Variants in QKI observed in about 807,000 individuals in gnomAD.
The protein encoded by QKI is KH domain-containing RNA-binding protein QKI.
QKI carries 10 observed loss-of-function variants against 39.0 expected under a neutral mutation model. That is an observed-to-expected ratio of 0.26 (90% CI 0.16 to 0.43). The LOEUF is 0.43. Among genes scored for constraint, QKI ranks in the 20% least tolerant of loss-of-function variants. The pLI is 1.00. For missense variants in QKI, 218 were observed against 428.0 expected (o/e 0.51, Z 4.33); for synonymous variants, 204 against 155.4 (o/e 1.31, Z -2.33).
intron 3 of QKI, among the ~76,000 whole-genome samples, chr6:163,481,731 C>T (rs1793090893): frequency 6.6e-6 from 1 of 152,138 alleles, no homozygotes; most frequent in Non-Finnish European, 1.5e-5. Context: ...TGATTTAGTG[C>T]ATAAATACCC....
chr6:163,483,427 T>G (rs1165193099), intron 3 of QKI, among the ~76,000 whole-genome samples: 1 of 152,246 alleles, frequency 6.6e-6, no homozygotes, highest in Non-Finnish European at 1.5e-5. Flanking sequence ...CAGTGCTTTT[T>G]GATAGCATTT....
Position 163,507,246 on chromosome 6 carries a change from T to A in QKI, c.403-27736T>A, listed in dbSNP as rs185370402. Among the ~76,000 whole-genome samples the A allele has an allele frequency of 1.6e-3, 243 of 152,316 alleles. 2 individuals are homozygous for A. Among genetic ancestry groups the A allele is most frequent in the Middle Eastern group, 0.01 (3 of 294 alleles). On this transcript the variant is annotated intron_variant, in intron 3 of 7. Coordinates refer to ENST00000361752, the MANE Select transcript of QKI (RefSeq NM_006775.3). ...GGCCTGAATACTGGATTATTGATAT[T>A]TCTATGGAAGAATGGGCTTTGAACT...
chr6:163,524,967 CATAG>C (rs1312384211), intron 3 of QKI, among the ~76,000 whole-genome samples: 1 of 152,118 alleles, frequency 6.6e-6, no homozygotes, highest in Non-Finnish European at 1.5e-5. Flanking sequence ...GAAACTGAAG[CATAG>C]ATAAATTCAA....
Position 163,455,370 on chromosome 6 carries a change from T to G in QKI, c.234T>G (p.Pro78=). The G allele has an allele frequency of 6.2e-7, 1 of 1,612,878 alleles. No individual in the cohort carries two copies. The highest frequency in any genetic ancestry group is 8.5e-7 in the Non-Finnish European group (1 of 1,178,920). ...RSAELPDAVG[P]IVQLQEKLYV... ...CAGAATTGCCTGATGCTGTGGGACCTATTGTTCAGTTACAAGAGAAACTTT... is the reference window on the plus strand; with the variant it reads ...CAGAATTGCCTGATGCTGTGGGACCGATTGTTCAGTTACAAGAGAAACTTT... Residue 78 remains proline, a synonymous_variant, in exon 2 of 8, where the codon CCT becomes CCG. Coordinates refer to ENST00000361752, the MANE Select transcript of QKI (RefSeq NM_006775.3).
At chr6:163,455,857 C>T (rs1790872828) in intron 2 of QKI, among the ~76,000 whole-genome samples, 1 of 152,164 alleles carries the variant, frequency 6.6e-6, no homozygotes, top group East Asian at 1.9e-4. Flanking sequence ...CTGATTTTCC[C>T]CCATCTTAGT....
At chr6:163,422,962 A>G (rs889506004) in intron 1 of QKI, among the ~76,000 whole-genome samples, 2 of 152,222 alleles carry the variant, frequency 1.3e-5, no homozygotes, top group Non-Finnish European at 2.9e-5. Flanking sequence ...TAAGAGTAGA[A>G]TTAGGGAAAT....
At chr6:163,539,879 T>C (rs947685853) in intron 4 of QKI, among the ~76,000 whole-genome samples, 1 of 152,166 alleles carries the variant, frequency 6.6e-6, no homozygotes, top group Non-Finnish European at 1.5e-5. Flanking sequence ...TTGCTTTTTC[T>C]AATAGGCTTT....
chr6:163,533,449 C>G (rs2128240865), intron 3 of QKI, among the ~76,000 whole-genome samples: 1 of 152,264 alleles, frequency 6.6e-6, no homozygotes, highest in African/African-American at 2.4e-5. Context: ...TTGTAAATAA[C>G]CACATTTTTA....
chr6:163,548,498 G>A (rs539064467), intron 4 of QKI, among the ~76,000 whole-genome samples: 3 of 152,214 alleles, frequency 2.0e-5, no homozygotes, highest in South Asian at 2.1e-4. Context: ...ATACACATAC[G>A]TAAGCCTACC....
intron 2 of QKI, among the ~76,000 whole-genome samples, chr6:163,469,717 A>C (rs1792042769): frequency 6.6e-6 from 1 of 152,154 alleles, no homozygotes; most frequent in Non-Finnish European, 1.5e-5. Flanking sequence ...TCCAGGTTGG[A>C]GGAGTGGGGA....
chr6:163,471,738 A>G (rs1011570268), intron 2 of QKI, among the ~76,000 whole-genome samples: 4 of 152,258 alleles, frequency 2.6e-5, no homozygotes, highest in South Asian at 2.1e-4. Context: ...AGAAAAGAAA[A>G]TAAGTAGAGG....
chr6:163,523,219 CTCTT>C lies in QKI; in HGVS notation c.403-11760_403-11757del, dbSNP rs569785820. Among the ~76,000 whole-genome samples the C allele has an allele frequency of 6.6e-5, 10 of 152,248 alleles. No homozygotes were observed. The South Asian group carries it at 1.9e-3, about 28-fold the overall frequency. On this transcript the variant is annotated intron_variant, in intron 3 of 7. Coordinates refer to ENST00000361752, the MANE Select transcript of QKI (RefSeq NM_006775.3). Reference sequence around the variant, plus strand: ...TTTCACAGAAGGCAGGTAAAATACTCTCTTTCAGTGTTGCCTGACTGAGTTTTTA... The same window carrying C: ...TTTCACAGAAGGCAGGTAAAATACTCTCAGTGTTGCCTGACTGAGTTTTTA...
At chr6:163,457,233 C>G (rs1258876403) in intron 2 of QKI, 1 of 438,222 alleles carries the variant, frequency 2.3e-6, no homozygotes, top group African/African-American at 2.0e-5. Flanking sequence ...GTTAATCTGT[C>G]TGGTTCCATC....
intron 4 of QKI, among the ~76,000 whole-genome samples, chr6:163,542,253 C>T (rs988076140): frequency 2.6e-5 from 4 of 151,888 alleles, no homozygotes; most frequent in Non-Finnish European, 4.4e-5. Context: ...TTCCTCCTTC[C>T]GTTAATCCTC....
chr6:163,455,200 C>T (rs1790831461), intron 1 of QKI, 79 bp from the exon 2 acceptor site: 14 of 1,182,056 alleles, frequency 1.2e-5, no homozygotes, highest in Middle Eastern at 2.5e-4. Context: ...TGAAACCCTC[C>T]CCTGCCCTCT....
intron 3 of QKI, among the ~76,000 whole-genome samples, chr6:163,484,572 A>C (rs1205937136): frequency 6.6e-6 from 1 of 152,056 alleles, no homozygotes; most frequent in South Asian, 2.1e-4. Context: ...ACATAAAGTC[A>C]CCAGTTGCAT....
chr6:163,554,017 G>T (rs1253114303), intron 4 of QKI, among the ~76,000 whole-genome samples: 1 of 152,130 alleles, frequency 6.6e-6, no homozygotes, highest in Non-Finnish European at 1.5e-5. Flanking sequence ...TGCAAAAAAA[G>T]CATCTTTTAC....
chr6:163,478,539 G>T (rs1389902842), intron 2 of QKI, among the ~76,000 whole-genome samples: 1 of 152,130 alleles, frequency 6.6e-6, no homozygotes, highest in East Asian at 1.9e-4. Flanking sequence ...TGTTCTAGCT[G>T]TATACTGTTC....
Position 163,575,122 on chromosome 6 carries a change from T to C in QKI, c.*4412T>C, listed in dbSNP as rs1457915745. 6.6e-6 allele frequency: 1 copy of C among 152,192 alleles called. No individual in the cohort carries two copies. The allele number at this position is 152,192 out of a possible 1,614,324, so 9.4% of individuals were successfully genotyped here. ...GGACAGGTCTTTTAACATGCTACTA[T>C]TTGTAAAAGTTTCCGTTGCCATAAC... On this transcript the variant is annotated 3_prime_UTR_variant, in exon 8 of 8. Transcript: ENST00000361752.
Sources: gnomAD v4.1 joint callset for allele counts (sites outside exome capture counted in the v4.1 genomes callset) on GRCh38, gnomAD v4.1.1 for gene constraint, MANE v1.5 for transcripts, NCBI Gene and HGNC (gene_info 2026-07-23, HGNC 2026-07-21) for gene names.